NRGN: variants seen among roughly 807,000 people sequenced by gnomAD.
NRGN encodes the protein neurogranin.
For missense variants in NRGN, 82 were observed against 123.0 expected, an observed-to-expected ratio of 0.67 and a Z score of 1.58; for synonymous variants, 47 against 52.8, an observed-to-expected ratio of 0.89 and a Z score of 0.47.
chr11:124,742,770 G>A (rs898439401), intron 1 of NRGN, among the ~76,000 whole-genome samples: 1 of 152,172 alleles, frequency 6.6e-6, no homozygotes, highest in Non-Finnish European at 1.5e-5. Context: ...TATGCAAAGC[G>A]CTTAGCACAG....
At chr11:124,742,124 G>A (rs1302333925) in intron 1 of NRGN, among the ~76,000 whole-genome samples, 5 of 152,094 alleles carry the variant, frequency 3.3e-5, no homozygotes, top group Admixed American at 2.0e-4. Flanking sequence ...GTGCAGGAGG[G>A]CAGGAAGAAG....
intron 1 of NRGN, chr11:124,744,511 A>G (rs1943993082): frequency 6.6e-6 from 1 of 152,256 alleles, no homozygotes. Flanking sequence ...AAGTAGGGGT[A>G]AAAATATATA....
chr11:124,744,257 T>G (rs1356404251), intron 1 of NRGN, among the ~76,000 whole-genome samples: 3 of 152,262 alleles, frequency 2.0e-5, no homozygotes, highest in African/African-American at 7.2e-5. Context: ...CACATTAACT[T>G]AATGTTATTT....
At position 124,745,358 on chromosome 11, in the gene NRGN, T is replaced by C. The variant is rs1943999921; in HGVS notation, c.16-145T>C. ...CATGCCCCAGTGAGTGTCCCTGCCA[T>C]AGCCCTGCTCCAGGCTCGACACCCC... On this transcript the variant is annotated intron_variant, in intron 1 of 3. Transcript: ENST00000284292. This position sits in a 1 kb window ranked among gnomAD's most constrained non-coding sequence, Gnocchi z 6.4. The C allele has an allele frequency of 7.7e-6, 4 of 521,228 alleles. No homozygotes were observed. Among genetic ancestry groups the C allele is most frequent in the Non-Finnish European group, 1.3e-5 (4 of 302,614 alleles). 32.3% of individuals were successfully genotyped at this position (521,228 alleles called of 1,614,324 possible). A position where few individuals can be genotyped will look rare whatever the true frequency, so the allele number is the denominator to read the frequency against.
chr11:124,745,630 G>A lies in NRGN; in HGVS notation c.143G>A (p.Ser48Asn), dbSNP rs778608527. 8 of 1,592,024 alleles carry A rather than the reference G, an allele frequency of 5.0e-6. No individual in the cohort carries two copies. The highest frequency in any genetic ancestry group is 2.7e-5 in the African/African-American group (2 of 73,454). ...RGHMARKKIK[S>N]GERGRKGPGP... ...CACATGGCGCGGAAGAAGATAAAGA[G>A]CGGAGAGCGCGGCCGGAAGGGCCCG... The change falls in exon 2 of 4, where the codon AGC (serine) becomes AAC (asparagine). Residue 48 changes from serine (S) to asparagine (N), a missense_variant. By Grantham distance (46) the Ser-to-Asn change is conservative. Transcript: ENST00000284292. The surrounding 1 kb of genome is among the most constrained non-coding windows in gnomAD (Gnocchi z 6.4).
chr11:124,743,512 G>C (rs1275185715), intron 1 of NRGN, among the ~76,000 whole-genome samples: 1 of 152,010 alleles, frequency 6.6e-6, no homozygotes, highest in Non-Finnish European at 1.5e-5. Flanking sequence ...CTGCCTTTTT[G>C]TAACTCTTTT....
rs1943956621 is a variant in NRGN, at chr11:124,740,226, GTC to G, written c.15+128_15+129del. 1 of 703,408 alleles carries G rather than the reference GTC, an allele frequency of 1.4e-6. No homozygotes were observed. The highest frequency in any genetic ancestry group is 2.0e-6 in the Non-Finnish European group (1 of 493,690). The allele number at this position is 703,408 out of a possible 1,614,324, so 43.6% of individuals were successfully genotyped here. On this transcript the variant is annotated intron_variant, in intron 1 of 3. Transcript: ENST00000284292. The surrounding 1 kb of genome is among the most constrained non-coding windows in gnomAD (Gnocchi z 7.5). ...AGACCTAGGAGCAGAAAGAAAAGGGGTCCTTGCCGAGACGTGGGTGGTGGATG... is the reference window on the plus strand; with the variant it reads ...AGACCTAGGAGCAGAAAGAAAAGGGGCTTGCCGAGACGTGGGTGGTGGATG...
chr11:124,742,798 A>G (rs1943976582), intron 1 of NRGN, among the ~76,000 whole-genome samples: 1 of 152,248 alleles, frequency 6.6e-6, no homozygotes, highest in Non-Finnish European at 1.5e-5. Context: ...CATAATAACA[A>G]GCAGCAAGCA....
chr11:124,743,897 G>GAAAAAAAAAA (rs1319494603), intron 1 of NRGN, among the ~76,000 whole-genome samples: 1 of 59,990 alleles, frequency 1.7e-5, no homozygotes, highest in African/African-American at 1.5e-4. Context: ...AAGACTTCAT[G>GAAAAAAAAAA]AAAAGAAAAA....
chr11:124,740,828 C>T lies in NRGN; in HGVS notation c.15+729C>T, dbSNP rs138377843. Among the ~76,000 whole-genome samples, 15 of 152,386 alleles carry T rather than the reference C, an allele frequency of 9.8e-5. No individual in the cohort carries two copies. Among genetic ancestry groups the T allele is most frequent in the Admixed American group, 9.8e-4 (15 of 15,308 alleles). On this transcript the variant is annotated intron_variant, in intron 1 of 3. Coordinates refer to ENST00000284292, the MANE Select transcript of NRGN (RefSeq NM_006176.3). The surrounding 1 kb of genome is among the most constrained non-coding windows in gnomAD (Gnocchi z 7.5). ...CTGTAAAGGTGACTCGGTATGAAAG[C>T]GCCTGGCATAGGCCCTGGCTCCTGC...
intron 3 of NRGN, 103 bp downstream of exon 3, chr11:124,746,085 G>A (rs955037881): frequency 5.3e-5 from 10 of 189,742 alleles, no homozygotes; most frequent in Non-Finnish European, 8.6e-5. Context: ...CTCCCAGCCG[G>A]GGAAAATGCA....
rs1037835931 is a variant in NRGN, at chr11:124,745,700, G to A, written c.213G>A (p.Ala71=). The change falls in exon 2 of 4, where the codon GCG becomes GCA. Residue 71 remains alanine (A), a synonymous_variant. Coordinates refer to ENST00000284292, the MANE Select transcript of NRGN (RefSeq NM_006176.3). This position sits in a 1 kb window ranked among gnomAD's most constrained non-coding sequence, Gnocchi z 6.4. Reference sequence around the variant, plus strand: ...GAGCTGGGGTGGCCCGGGGAGGCGCGGGCGGCGGCCCCAGCGGAGACTAGG... The same window carrying A: ...GAGCTGGGGTGGCCCGGGGAGGCGCAGGCGGCGGCCCCAGCGGAGACTAGG... ...PGGAGVARGG[A]GGGPSGD The A allele has an allele frequency of 1.0e-5, 14 of 1,403,326 alleles. No homozygotes were observed. The highest frequency in any genetic ancestry group is 1.3e-5 in the Non-Finnish European group (14 of 1,085,550). 86.9% of individuals were successfully genotyped at this position (1,403,326 alleles called of 1,614,324 possible). A position where few individuals can be genotyped will look rare whatever the true frequency, so the allele number is the denominator to read the frequency against.
chr11:124,740,198 G>A lies in NRGN; in HGVS notation c.15+99G>A, dbSNP rs1943956478. On this transcript the variant is annotated intron_variant, in intron 1 of 3. Coordinates refer to ENST00000284292, the MANE Select transcript of NRGN (RefSeq NM_006176.3). This position sits in a 1 kb window ranked among gnomAD's most constrained non-coding sequence, Gnocchi z 7.5. ...GCGAGAGAGGGATGGAAGTGGATGC[G>A]GAAGACCTAGGAGCAGAAAGAAAAG... The A allele has an allele frequency of 1.1e-6, 1 of 889,770 alleles. No individual in the cohort carries two copies. Among genetic ancestry groups the A allele is most frequent in the Non-Finnish European group, 1.5e-6 (1 of 656,066 alleles). The allele number at this position is 889,770 out of a possible 1,614,324, so 55.1% of individuals were successfully genotyped here. A position where few individuals can be genotyped will look rare whatever the true frequency, so the allele number is the denominator to read the frequency against.
chr11:124,740,097 A>G lies in NRGN; in HGVS notation c.13A>G (p.Thr5Ala). 7.4e-7 allele frequency: 1 copy of G among 1,346,118 alleles called. No individual in the cohort carries two copies. The highest frequency in any genetic ancestry group is 9.6e-7 in the Non-Finnish European group (1 of 1,043,724). The allele number at this position is 1,346,118 out of a possible 1,614,324, so 83.4% of individuals were successfully genotyped here. A position where few individuals can be genotyped will look rare whatever the true frequency, so the allele number is the denominator to read the frequency against. Residue 5 changes from threonine (T) to alanine (A), a missense_variant and splice_region_variant, in exon 1 of 4, where the codon ACC (threonine) becomes GCC (alanine). Physicochemically the swap from Thr to Ala is moderately conservative, Grantham distance 58 (BLOSUM62 0). Transcript: ENST00000284292. This position sits in a 1 kb window ranked among gnomAD's most constrained non-coding sequence, Gnocchi z 7.5. ...CCCCGACACCAGCATGGACTGCTGCACCGTAAGTTAGAGGGCCCGGGGGAG... is the reference window on the plus strand; with the variant it reads ...CCCCGACACCAGCATGGACTGCTGCGCCGTAAGTTAGAGGGCCCGGGGGAG... MDCC[T>A]ENACSKPDDD...
rs1943999140 is a variant in NRGN, at chr11:124,745,247, C to T, written c.16-256C>T. On this transcript the variant is annotated intron_variant, in intron 1 of 3. Coordinates refer to ENST00000284292, the MANE Select transcript of NRGN (RefSeq NM_006176.3). The surrounding 1 kb of genome is among the most constrained non-coding windows in gnomAD (Gnocchi z 6.4). ...GTGCTGGTGATGGGCCTGGCTCTCC[C>T]GCACCCAATCCTGCCTGCACTTCTC... 1.3e-5 allele frequency among the ~76,000 whole-genome samples: 2 copies of T among 152,202 alleles called. No homozygotes were observed. Among genetic ancestry groups the T allele is most frequent in the African/African-American group, 2.4e-5 (1 of 41,524 alleles).
At position 124,746,603 on chromosome 11, in the gene NRGN, A is replaced by G. The variant is rs1438195857; in HGVS notation, c.*223A>G. On this transcript the variant is annotated 3_prime_UTR_variant, in exon 4 of 4. Coordinates refer to ENST00000284292, the MANE Select transcript of NRGN (RefSeq NM_006176.3). ...AGTTCTGCAGTCTAGTATGGTCCCCATTTGCCCTTCCACTCCACCCCACCC... is the reference window on the plus strand; with the variant it reads ...AGTTCTGCAGTCTAGTATGGTCCCCGTTTGCCCTTCCACTCCACCCCACCC... 6.6e-6 allele frequency: 1 copy of G among 152,384 alleles called. No individual in the cohort carries two copies. The highest frequency in any genetic ancestry group is 1.5e-5 in the Non-Finnish European group (1 of 68,058). The allele number at this position is 152,384 out of a possible 1,614,324, so 9.4% of individuals were successfully genotyped here.
rs371101873 is a variant in NRGN at position 124,746,265 on chromosome 11, T to G, written c.*24-139T>G. 2.0e-5 allele frequency: 3 copies of G among 152,530 alleles called. No homozygotes were observed. In the East Asian group the frequency reaches 5.8e-4, roughly 30 times the overall value. The allele number at this position is 152,530 out of a possible 1,614,324, so 9.4% of individuals were successfully genotyped here. A position where few individuals can be genotyped will look rare whatever the true frequency, so the allele number is the denominator to read the frequency against. Reference sequence around the variant, plus strand: ...TGCCGCGGGGCTCATTTCAGCGCTTTGACTCGGGGTGGGGGTTCTGGGTGA... The same window carrying G: ...TGCCGCGGGGCTCATTTCAGCGCTTGGACTCGGGGTGGGGGTTCTGGGTGA... On this transcript the variant is annotated intron_variant, in intron 3 of 3. Coordinates refer to ENST00000284292, the MANE Select transcript of NRGN (RefSeq NM_006176.3).
chr11:124,739,998 G>T lies in NRGN; in HGVS notation c.-87G>T. On this transcript the variant is annotated 5_prime_UTR_variant, in exon 1 of 4. Coordinates refer to ENST00000284292, the MANE Select transcript of NRGN (RefSeq NM_006176.3). ...GGCGCGGGTCGGCTGGCGGCCGACT[G>T]CCCCAGAGCCCCCACCCGGCACCAC... is the stretch of plus-strand genomic sequence containing the variant. 1.7e-6 allele frequency: 1 copy of T among 581,536 alleles called. No homozygotes were observed. Among genetic ancestry groups the T allele is most frequent in the South Asian group, 4.1e-5 (1 of 24,550 alleles). 36.0% of individuals were successfully genotyped at this position (581,536 alleles called of 1,614,324 possible).
chr11:124,742,535 A>C (rs1317282743), intron 1 of NRGN, among the ~76,000 whole-genome samples: 1 of 152,170 alleles, frequency 6.6e-6, no homozygotes, highest in Non-Finnish European at 1.5e-5. Flanking sequence ...CCGCGCATGA[A>C]AAAGCGCATG....
Sources: gnomAD v4.1 joint callset for allele counts (sites outside exome capture counted in the v4.1 genomes callset) on GRCh38, gnomAD v4.1.1 for gene constraint, Gnocchi (gnomAD v3.1) non-coding constraint, MANE v1.5 for transcripts, NCBI Gene and HGNC (gene_info 2026-07-23, HGNC 2026-07-21) for gene names.